RBKS: variants seen among roughly 807,000 people sequenced by gnomAD.
The protein encoded by RBKS is ribokinase.
In RBKS, 33 loss-of-function variants were observed where a neutral mutation model predicts 33.9. The observed-to-expected ratio is 0.97, with a 90% CI of 0.74 to 1.30. The LOEUF (loss-of-function observed/expected upper bound fraction) is 1.30. Ranked by LOEUF, RBKS falls within the 50% of genes most tolerant of loss-of-function variation. The pLI is 0.00. For missense variants in RBKS, 361 were observed against 392.6 expected (o/e 0.92, Z 0.68); for synonymous variants, 125 against 143.0 (o/e 0.87, Z 0.90).
At chr2:27,821,520 C>T (rs1442185897) in intron 7 of RBKS, among the ~76,000 whole-genome samples, 1 of 152,110 alleles carries the variant, frequency 6.6e-6, no homozygotes, top group Non-Finnish European at 1.5e-5. Context: ...AAAAGGTTAA[C>T]AATTACTTTT....
intron 7 of RBKS, among the ~76,000 whole-genome samples, chr2:27,793,086 C>T (rs1677568687): frequency 6.6e-6 from 1 of 152,152 alleles, no homozygotes. Flanking sequence ...AATAGATAAA[C>T]TGTTAACAGT....
Position 27,830,749 on chromosome 2 carries a change from A to G in RBKS, c.606+1937T>C, listed in dbSNP as rs533295225. Among the ~76,000 whole-genome samples the G allele has an allele frequency of 2.0e-5, 3 of 152,276 alleles. No homozygotes were observed. The South Asian group carries it at 6.2e-4, about 32-fold the overall frequency. On this transcript the variant is annotated intron_variant, in intron 6 of 7. Transcript: ENST00000302188. Reference sequence around the variant, plus strand: ...TGTATTAACCTATATCATATCACACATCCTGGTTTTACACTGTGCCAATGA... The same window carrying G: ...TGTATTAACCTATATCATATCACACGTCCTGGTTTTACACTGTGCCAATGA...
At chr2:27,889,654 TTA>T (rs1664663861) in intron 1 of RBKS, among the ~76,000 whole-genome samples, 2 of 152,224 alleles carry the variant, frequency 1.3e-5, no homozygotes, top group African/African-American at 2.4e-5. Flanking sequence ...AATACTGTGT[TTA>T]TGTTTTTATT....
intron 7 of RBKS, among the ~76,000 whole-genome samples, chr2:27,802,020 T>A (rs1418895684): frequency 8.2e-5 from 9 of 109,380 alleles, no homozygotes; most frequent in African/African-American, 1.7e-4. Flanking sequence ...TTTTTTTTTT[T>A]AGAGAGAGAG....
chr2:27,854,987 T>G (rs1468425409), intron 2 of RBKS, among the ~76,000 whole-genome samples: 1 of 152,150 alleles, frequency 6.6e-6, no homozygotes, highest in Non-Finnish European at 1.5e-5. Flanking sequence ...TTCATAATAC[T>G]TTATTGTATG....
rs1452320484 is a variant in RBKS, at chr2:27,827,767, A to T, written c.607-12T>A. 2 of 1,561,348 alleles carry T rather than the reference A, an allele frequency of 1.3e-6. No individual in the cohort carries two copies. The highest frequency in any genetic ancestry group is 4.2e-5 in the Admixed American group (2 of 47,944). On this transcript the variant is annotated splice_polypyrimidine_tract_variant and intron_variant, in intron 6 of 7. Transcript: ENST00000302188. ...GTTAAAATCTCAGCCTAGAATACAC[A>T]AAAGTCAACAGAAACAGTGGTGAAA...
chr2:27,782,438 C>T (rs1413463162), intron 7 of RBKS: 2 of 224,968 alleles, frequency 8.9e-6, no homozygotes, highest in Admixed American at 4.4e-5. Context: ...CCTGCCTCAG[C>T]ATCCCAAATG....
At chr2:27,853,659 G>T (rs1258666400) in intron 2 of RBKS, among the ~76,000 whole-genome samples, 2 of 151,898 alleles carry the variant, frequency 1.3e-5, no homozygotes, top group East Asian at 3.9e-4. Context: ...TCCTGTCTCA[G>T]AAAAAAATAA....
chr2:27,794,305 AAATAATAAT>A (rs70953884), intron 7 of RBKS, among the ~76,000 whole-genome samples: 10,803 of 137,652 alleles, frequency 0.078, 938 homozygotes, highest in African/African-American at 0.21. Context: ...CCCCCCCACA[AAATAATAAT>A]AATAATAATA....
chr2:27,820,319 G>GT (rs1236103866), intron 7 of RBKS, among the ~76,000 whole-genome samples: 7 of 152,232 alleles, frequency 4.6e-5, no homozygotes, highest in African/African-American at 1.4e-4. Flanking sequence ...AGCTGGTGAG[G>GT]TTTTTTCCAG....
At chr2:27,797,352 A>G (rs1183312292) in intron 7 of RBKS, among the ~76,000 whole-genome samples, 1 of 152,228 alleles carries the variant, frequency 6.6e-6, no homozygotes, top group Non-Finnish European at 1.5e-5. Flanking sequence ...TAATTTGCAC[A>G]GGGTGTCACA....
chr2:27,828,078 G>A (rs570155352), intron 6 of RBKS, among the ~76,000 whole-genome samples: 2 of 152,288 alleles, frequency 1.3e-5, no homozygotes, highest in East Asian at 3.9e-4. Context: ...AGTATTTGGG[G>A]TGAGGCATCA....
In RBKS at chr2:27,855,874, G is replaced by A. The variant is rs6760908; in HGVS notation, c.222+2565C>T. Among the ~76,000 whole-genome samples the A allele has an allele frequency of 8.4e-3, 1,279 of 152,230 alleles. 14 individuals are homozygous for A. The highest frequency in any genetic ancestry group is 0.03 in the African/African-American group (1,239 of 41,538). On this transcript the variant is annotated intron_variant, in intron 2 of 7. Transcript: ENST00000302188. ...TTTTAGTTTGTTATAGGTAGCAAGA[G>A]GTAAATAAATCTTGCTGAGAAAGCC...
intron 7 of RBKS, among the ~76,000 whole-genome samples, chr2:27,805,698 C>T (rs1314876239): frequency 6.6e-6 from 1 of 151,926 alleles, no homozygotes; most frequent in Non-Finnish European, 1.5e-5. Context: ...CCTCAGCCTC[C>T]CGAGTAGCTG....
At chr2:27,880,800 A>G (rs145050848) in intron 1 of RBKS, among the ~76,000 whole-genome samples, 1 of 152,368 alleles carries the variant, frequency 6.6e-6, no homozygotes, top group East Asian at 1.9e-4. Flanking sequence ...TTCCATGCTC[A>G]TGGACAGGAA....
intron 7 of RBKS, among the ~76,000 whole-genome samples, chr2:27,818,525 G>A (rs1435994999): frequency 6.6e-6 from 1 of 152,142 alleles, no homozygotes; most frequent in East Asian, 1.9e-4. Context: ...ATCAATCCTG[G>A]CTCTGCCAAC....
At chr2:27,808,560 C>A (rs556474370) in intron 7 of RBKS, among the ~76,000 whole-genome samples, 1 of 152,246 alleles carries the variant, frequency 6.6e-6, no homozygotes, top group African/African-American at 2.4e-5. Context: ...TCTGGCCCCA[C>A]TATTGTTGAC....
chr2:27,867,353 T>A (rs920706575), intron 1 of RBKS, among the ~76,000 whole-genome samples: 2 of 152,094 alleles, frequency 1.3e-5, no homozygotes, highest in Non-Finnish European at 2.9e-5. Flanking sequence ...AGGTACATAA[T>A]AAATAATACA....
At chr2:27,867,194 A>T (rs1441586183) in intron 1 of RBKS, among the ~76,000 whole-genome samples, 1 of 151,704 alleles carries the variant, frequency 6.6e-6, no homozygotes, top group African/African-American at 2.4e-5. Context: ...ACTCTTGGTT[A>T]TAGATCACAT....
Sources: gnomAD v4.1 joint callset for allele counts (sites outside exome capture counted in the v4.1 genomes callset) on GRCh38, gnomAD v4.1.1 for gene constraint, MANE v1.5 for transcripts, NCBI Gene and HGNC (gene_info 2026-07-23, HGNC 2026-07-21) for gene names.